The following CSMD3 variants were observed in gnomAD, a reference collection of about 807,000 sequenced individuals.
The protein encoded by CSMD3 is CUB and sushi domain-containing protein 3.
A neutral mutation model predicts 435.2 loss-of-function variants in CSMD3; 177 were observed. The ratio of observed to expected loss-of-function variants is 0.41; its 90% CI spans 0.36 to 0.46. The LOEUF is 0.46. Ranked by LOEUF, CSMD3 falls within the 20% of genes least tolerant of loss-of-function variation. The probability of loss-of-function intolerance (pLI) is 0.34; values close to 1 mark genes in which losing one functional copy is unlikely to be tolerated. For missense variants in CSMD3, 4,265 were observed against 4,504.6 expected (o/e 0.95, Z 1.52); for synonymous variants, 1,656 against 1,520.5 (o/e 1.09, Z -2.07).
At chr8:112,702,607 T>C (rs1380806716) in intron 13 of CSMD3, among the ~76,000 whole-genome samples, 1 of 152,086 alleles carries the variant, frequency 6.6e-6, no homozygotes, top group Non-Finnish European at 1.5e-5. Flanking sequence ...GGGTAAAGAC[T>C]GATCCCCATG....
At chr8:112,605,609 A>G (rs1453494542) in intron 22 of CSMD3, among the ~76,000 whole-genome samples, 1 of 151,678 alleles carries the variant, frequency 6.6e-6, no homozygotes, top group Admixed American at 6.6e-5. Flanking sequence ...GGGAACAATA[A>G]ACACAAAGTG....
intron 1 of CSMD3, among the ~76,000 whole-genome samples, chr8:113,434,711 G>A (rs2094694727): frequency 6.6e-6 from 1 of 152,200 alleles, no homozygotes; most frequent in Non-Finnish European, 1.5e-5. Context: ...TATCTCCAAA[G>A]CTAAACCGAT....
At chr8:113,039,776 A>C (rs912500384) in intron 5 of CSMD3, among the ~76,000 whole-genome samples, 4 of 152,236 alleles carry the variant, frequency 2.6e-5, no homozygotes, top group Non-Finnish European at 5.9e-5. Context: ...CAAAAATTTT[A>C]ATAAAAGAAA....
At chr8:112,804,375 TA>T (rs1409783837) in intron 12 of CSMD3, among the ~76,000 whole-genome samples, 3 of 151,856 alleles carry the variant, frequency 2.0e-5, no homozygotes, top group African/African-American at 4.8e-5. Context: ...AACTATTTAG[TA>T]AAAGGCATAA....
intron 3 of CSMD3, among the ~76,000 whole-genome samples, chr8:113,182,663 G>T (rs1033770815): frequency 1.3e-5 from 2 of 152,014 alleles, no homozygotes; most frequent in Admixed American, 6.6e-5. Flanking sequence ...ACTGGACTGT[G>T]CCCTCAGGCC....
At position 112,804,170 on chromosome 8, in the gene CSMD3, T is replaced by C. The variant is rs539346270; in HGVS notation, c.1860-3896A>G. The stretch of plus-strand genomic sequence containing the variant: ...GAGGCTTTCTCAGAATCTACCGGTA[T>C]GGATCCAAGGGTAGTTCAAAATTTT... On this transcript the variant is annotated intron_variant, in intron 12 of 70. Transcript: ENST00000297405. Among the ~76,000 whole-genome samples the C allele has an allele frequency of 2.6e-5, 4 of 152,274 alleles. No individual in the cohort carries two copies. In the South Asian group the frequency reaches 6.2e-4, roughly 24 times the overall value.
At chr8:112,965,806 A>G (rs929924144) in intron 7 of CSMD3, among the ~76,000 whole-genome samples, 2 of 151,974 alleles carry the variant, frequency 1.3e-5, no homozygotes, top group East Asian at 1.9e-4. Flanking sequence ...AAAACATAAA[A>G]GAATTAGAAA....
intron 1 of CSMD3, among the ~76,000 whole-genome samples, chr8:113,373,084 C>A (rs944211650): frequency 1.3e-5 from 2 of 152,040 alleles, no homozygotes; most frequent in South Asian, 2.1e-4. Flanking sequence ...ATTTAATCTT[C>A]AACGGGATTA....
At chr8:112,236,112 C>A (rs185924612) in intron 67 of CSMD3, among the ~76,000 whole-genome samples, 1 of 151,570 alleles carries the variant, frequency 6.6e-6, no homozygotes, top group Non-Finnish European at 1.5e-5. Context: ...TTGTGTTTAA[C>A]GGAGGATCAT....
intron 5 of CSMD3, among the ~76,000 whole-genome samples, chr8:113,097,444 T>C (rs1321736251): frequency 1.3e-5 from 2 of 152,024 alleles, no homozygotes; most frequent in Admixed American, 6.6e-5. Flanking sequence ...AAATGACTCC[T>C]TCGGTTTTCT....
chr8:113,309,489 T>A (rs552110415), intron 2 of CSMD3: 10 of 152,316 alleles, frequency 6.6e-5, no homozygotes, highest in African/African-American at 2.4e-4. Flanking sequence ...TGATATTTAC[T>A]TTTTTATTAT....
chr8:113,327,827 G>T (rs1362235298), intron 1 of CSMD3, among the ~76,000 whole-genome samples: 3 of 151,984 alleles, frequency 2.0e-5, no homozygotes, highest in Non-Finnish European at 4.4e-5. Context: ...AAGCTTCTGT[G>T]TAAATTGGAA....
At chr8:112,261,238 C>G (rs141616297) in intron 61 of CSMD3, among the ~76,000 whole-genome samples, 22 of 152,160 alleles carry the variant, frequency 1.4e-4, no homozygotes, top group African/African-American at 5.1e-4. Flanking sequence ...CATCATAATT[C>G]TATGTCTATA....
chr8:112,240,815 G>A (rs928455541), intron 66 of CSMD3, among the ~76,000 whole-genome samples: 13 of 152,110 alleles, frequency 8.5e-5, no homozygotes, highest in Middle Eastern at 3.4e-3. Flanking sequence ...TGTTCTCTTG[G>A]TAGTAAATAA....
chr8:112,787,472 G>T (rs2078575751), intron 13 of CSMD3, among the ~76,000 whole-genome samples: 1 of 152,040 alleles, frequency 6.6e-6, no homozygotes, highest in Non-Finnish European at 1.5e-5. Flanking sequence ...GGTTATTTAA[G>T]ATATATCTGC....
In CSMD3 at chr8:112,517,726, T is replaced by G. The variant is rs923609884; in HGVS notation, c.4565-501A>C. ...ACAATGAGATACTACTACATACATT[T>G]CAAATTGGCTCAATTTTTTAAAAAA... On this transcript the variant is annotated intron_variant, in intron 27 of 70. Coordinates refer to ENST00000297405, the MANE Select transcript of CSMD3 (RefSeq NM_198123.2). Among the ~76,000 whole-genome samples the G allele has an allele frequency of 2.0e-5, 3 of 152,182 alleles. 1 individual carries two copies. The highest frequency in any genetic ancestry group is 2.0e-4 in the Admixed American group (3 of 15,264).
chr8:112,292,192 C>T (rs959353084), intron 55 of CSMD3, among the ~76,000 whole-genome samples: 1 of 151,886 alleles, frequency 6.6e-6, no homozygotes, highest in Non-Finnish European at 1.5e-5. Context: ...AAAATAAATG[C>T]CAAAGCAAAT....
chr8:112,806,378 T>C (rs2079085724), intron 12 of CSMD3, among the ~76,000 whole-genome samples: 1 of 152,140 alleles, frequency 6.6e-6, no homozygotes, highest in Admixed American at 6.5e-5. Context: ...TCCTTGGAGG[T>C]AGTGGCACTG....
At chr8:113,293,263 G>T (rs1472530161) in intron 2 of CSMD3, among the ~76,000 whole-genome samples, 2 of 149,326 alleles carry the variant, frequency 1.3e-5, no homozygotes, top group African/African-American at 5.0e-5. Context: ...CCTATTTTAC[G>T]TGCCCACTTG....
Sources: gnomAD v4.1 joint callset for allele counts (sites outside exome capture counted in the v4.1 genomes callset) on GRCh38, gnomAD v4.1.1 for gene constraint, MANE v1.5 for transcripts, NCBI Gene and HGNC (gene_info 2026-07-23, HGNC 2026-07-21) for gene names.